Variants in STAT5B observed in about 807,000 individuals in gnomAD.
STAT5B encodes transcription factor STAT5B.
STAT5B carries 21 observed loss-of-function variants against 107.8 expected under a neutral mutation model. The ratio of observed to expected loss-of-function variants is 0.19; its 90% CI spans 0.14 to 0.28. The LOEUF (loss-of-function observed/expected upper bound fraction) is 0.28. STAT5B is among the 10% of genes least tolerant of loss of function. STAT5B has a pLI of 1.00. For missense variants in STAT5B, 565 were observed against 1,008.2 expected (o/e 0.56, Z 5.95); for synonymous variants, 325 against 401.7 (o/e 0.81, Z 2.28).
chr17:42,258,226 AG>A (rs2080563647), intron 1 of STAT5B, among the ~76,000 whole-genome samples: 1 of 152,222 alleles, frequency 6.6e-6, no homozygotes, highest in South Asian at 2.1e-4. Flanking sequence ...AGTAAAATAA[AG>A]GGGTTCCTAA....
chr17:42,210,703 A>G lies in STAT5B; in HGVS notation c.1681-206T>C, dbSNP rs1247806995. The G allele has an allele frequency of 3.9e-5, 22 of 564,708 alleles. No individual in the cohort carries two copies. In the East Asian group the frequency reaches 6.8e-4, roughly 17 times the overall value. The allele number at this position is 564,708 out of a possible 1,614,324, so 35.0% of individuals were successfully genotyped here. On this transcript the variant is annotated intron_variant, in intron 13 of 18. Coordinates refer to ENST00000293328, the MANE Select transcript of STAT5B (RefSeq NM_012448.4). ...GGGAAAATACCAAACTGCAGTTACC[A>G]GCACCCAGTGGGCTCCTGCTACAGA... is the stretch of plus-strand genomic sequence containing the variant.
intron 1 of STAT5B, among the ~76,000 whole-genome samples, chr17:42,255,787 T>C (rs1034653670): frequency 6.6e-6 from 1 of 152,220 alleles, no homozygotes; most frequent in African/African-American, 2.4e-5. Flanking sequence ...GCCACGGAAC[T>C]GTACTTTAAA....
At chr17:42,215,068 C>T (rs775437541) in intron 12 of STAT5B, among the ~76,000 whole-genome samples, 4 of 152,126 alleles carry the variant, frequency 2.6e-5, no homozygotes, top group African/African-American at 4.8e-5. Context: ...AAATGCTCAT[C>T]GAGCAGCATG....
intron 1 of STAT5B, among the ~76,000 whole-genome samples, chr17:42,236,954 G>A (rs889856085): frequency 6.6e-6 from 1 of 152,114 alleles, no homozygotes; most frequent in Admixed American, 6.5e-5. Context: ...CAATTTCAGT[G>A]CGTGATGCTC....
chr17:42,277,710 G>A (rs1040163601), upstream of STAT5B, among the ~76,000 whole-genome samples: 5 of 151,910 alleles, frequency 3.3e-5, no homozygotes, highest in African/African-American at 7.3e-5. Context: ...TTGACACTCA[G>A]GTGCTCCATG....
At chr17:42,267,634 T>A (rs998766053) in intron 1 of STAT5B, among the ~76,000 whole-genome samples, 7 of 152,096 alleles carry the variant, frequency 4.6e-5, no homozygotes, top group African/African-American at 1.7e-4. Context: ...TTAAGCTAAG[T>A]GTTACTACAA....
chr17:42,221,874 A>T (rs2080229002), intron 5 of STAT5B, among the ~76,000 whole-genome samples: 1 of 152,016 alleles, frequency 6.6e-6, no homozygotes, highest in Non-Finnish European at 1.5e-5. Flanking sequence ...GAACCTACAT[A>T]CATGGAATTA....
chr17:42,215,961 T>C (rs542737208), intron 12 of STAT5B, 53 bp downstream of exon 12: 54 of 1,577,108 alleles, frequency 3.4e-5, no homozygotes, highest in Non-Finnish European at 4.7e-5. Flanking sequence ...ATAAATGAGA[T>C]TCATGACACC....
intron 1 of STAT5B, among the ~76,000 whole-genome samples, chr17:42,236,894 G>C (rs1007404889): frequency 5.9e-5 from 9 of 152,090 alleles, no homozygotes; most frequent in African/African-American, 2.2e-4. Flanking sequence ...TACAAAGACT[G>C]TACCTCTGTC....
At chr17:42,214,690 T>C in intron 12 of STAT5B, 1 of 951,054 alleles carries the variant, frequency 1.1e-6, no homozygotes, top group Non-Finnish European at 1.3e-6. Flanking sequence ...ATAACCCTTT[T>C]ATCATGCTTT....
chr17:42,220,075 C>T (rs1231284400), intron 5 of STAT5B, among the ~76,000 whole-genome samples: 4 of 152,184 alleles, frequency 2.6e-5, no homozygotes, highest in East Asian at 1.9e-4. Context: ...TGGGGGCACA[C>T]GGGTGCTGGG....
At chr17:42,242,123 C>G (rs1455557629) in intron 1 of STAT5B, among the ~76,000 whole-genome samples, 1 of 151,750 alleles carries the variant, frequency 6.6e-6, no homozygotes, top group Admixed American at 6.6e-5. Context: ...ATAGGAAGAA[C>G]AGAGAATGGA....
intron 1 of STAT5B, among the ~76,000 whole-genome samples, chr17:42,249,708 T>C (rs1209976509): frequency 6.6e-6 from 1 of 152,162 alleles, no homozygotes; most frequent in Non-Finnish European, 1.5e-5. Context: ...TCACCCATGC[T>C]GGAGTGCAGT....
intron 18 of STAT5B, 135 bp downstream of exon 18, chr17:42,202,205 A>T: frequency 9.4e-7 from 1 of 1,067,900 alleles, no homozygotes; most frequent in Non-Finnish European, 1.4e-6. Context: ...CCCAAAGGCC[A>T]GAGCCCGGGC....
intron 1 of STAT5B, chr17:42,270,939 C>T (rs1019364945): frequency 2.0e-5 from 3 of 152,192 alleles, no homozygotes; most frequent in Admixed American, 6.5e-5. Flanking sequence ...TGTCAGTGAA[C>T]GGTAAGCATT....
intron 1 of STAT5B, among the ~76,000 whole-genome samples, chr17:42,239,994 C>T (rs1387364352): frequency 1.3e-5 from 2 of 152,122 alleles, no homozygotes; most frequent in Non-Finnish European, 2.9e-5. Context: ...ATGAGCCGGG[C>T]ACGGTGGCGG....
chr17:42,215,899 A>G lies in STAT5B; in HGVS notation c.1473+115T>C, dbSNP rs111263056. On this transcript the variant is annotated intron_variant, in intron 12 of 18. Transcript: ENST00000293328. ...GGCCTCCCAAAGTGCTGGGATTACA[A>G]GTGTGAGTCACTGCACCCGGCCTTT... is the stretch of plus-strand genomic sequence containing the variant. 3,612 of 1,185,392 alleles carry G rather than the reference A, an allele frequency of 3.0e-3. 79 individuals are homozygous for G. In the African/African-American group the frequency reaches 0.049, roughly 16 times the overall value. 73.4% of individuals were successfully genotyped at this position (1,185,392 alleles called of 1,614,324 possible). A position where few individuals can be genotyped will look rare whatever the true frequency, so the allele number is the denominator to read the frequency against.
chr17:42,225,079 G>A (rs2080261891), intron 3 of STAT5B, among the ~76,000 whole-genome samples: 2 of 152,038 alleles, frequency 1.3e-5, no homozygotes, highest in South Asian at 4.1e-4. Flanking sequence ...TTTTGAGACT[G>A]AGTCTCACTC....
Position 42,262,774 on chromosome 17 carries a change from A to ATGTATATATATACACATATATATGTG in STAT5B, c.-11+13448_-11+13473dup, listed in dbSNP as rs1555553444. Among the ~76,000 whole-genome samples the ATGTATATATATACACATATATATGTG allele has an allele frequency of 5.5e-3, 747 of 134,782 alleles. 19 individuals carry two copies. Among genetic ancestry groups the ATGTATATATATACACATATATATGTG allele is most frequent in the African/African-American group, 0.018 (632 of 35,228 alleles). The allele number at this position is 134,782 out of a possible 152,430, so 88.4% of individuals were successfully genotyped here. ...TATATGTGTGTATATATATACATAT[A>ATGTATATATATACACATATATATGTG]TGTATATATATACACATATATATGT... On this transcript the variant is annotated intron_variant, in intron 1 of 18. Transcript: ENST00000293328.
Sources: allele counts gnomAD v4.1 joint callset (sites outside exome capture counted in the v4.1 genomes callset), GRCh38; gene constraint gnomAD v4.1.1; transcripts MANE v1.5; gene names NCBI Gene and HGNC (gene_info 2026-07-23, HGNC 2026-07-21).